CCDC174: variants seen among roughly 807,000 people sequenced by gnomAD.
CCDC174 encodes the protein coiled-coil domain containing 174.
In CCDC174, 37 loss-of-function variants were observed where a neutral mutation model predicts 57.1. That is an observed-to-expected ratio of 0.65 (90% CI 0.50 to 0.85). CCDC174 has a LOEUF of 0.85. Ranked by LOEUF, CCDC174 falls within the 40% of genes least tolerant of loss-of-function variation. The pLI is 0.00. For missense variants in CCDC174, 540 were observed against 574.3 expected (o/e 0.94, Z 0.61); for synonymous variants, 182 against 190.2 (o/e 0.96, Z 0.35).
At chr3:14,666,413 A>C (rs1054794192) in intron 6 of CCDC174, among the ~76,000 whole-genome samples, 1 of 152,178 alleles carries the variant, frequency 6.6e-6, no homozygotes. Context: ...TCCTGAGATC[A>C]GGAGTTCAAA....
At position 14,669,957 on chromosome 3, in the gene CCDC174, C is replaced by G. The variant is rs2031459759; in HGVS notation, c.976C>G (p.Pro326Ala). 1 of 1,613,790 alleles carries G rather than the reference C, an allele frequency of 6.2e-7. No individual in the cohort carries two copies. Among genetic ancestry groups the G allele is most frequent in the Non-Finnish European group, 8.5e-7 (1 of 1,179,860 alleles). Residue 326 changes from proline to alanine, a missense_variant, in exon 10 of 11, where the codon CCA becomes GCA. Coordinates refer to ENST00000383794, the MANE Select transcript of CCDC174 (RefSeq NM_016474.5). The part of the protein sequence containing the change: ...NRDGDVIGPL[P>A]PEPEAVPTPR... Reference sequence around the variant, plus strand: ...AGATGGAGATGTTATTGGGCCTTTGCCACCGGAGCCAGAGGCTGTGCCAAC... The same window carrying G: ...AGATGGAGATGTTATTGGGCCTTTGGCACCGGAGCCAGAGGCTGTGCCAAC...
In CCDC174 at chr3:14,669,835, C is replaced by T. The variant is rs2031456023; in HGVS notation, c.953-99C>T. The stretch of plus-strand genomic sequence containing the variant: ...GGACATGTTAGGTACTTCATAAATA[C>T]TGATGGTTACTTTTACTTTCAGGAT... On this transcript the variant is annotated intron_variant, in intron 9 of 10. Coordinates refer to ENST00000383794, the MANE Select transcript of CCDC174 (RefSeq NM_016474.5). 4.1e-6 allele frequency: 5 copies of T among 1,225,178 alleles called. No individual in the cohort carries two copies. In the Admixed American group the frequency reaches 1.1e-4, roughly 26 times the overall value. 75.9% of individuals were successfully genotyped at this position (1,225,178 alleles called of 1,614,324 possible).
Position 14,669,672 on chromosome 3 carries a change from A to G in CCDC174, c.953-262A>G, listed in dbSNP as rs1055098101. Among the ~76,000 whole-genome samples the G allele has an allele frequency of 1.2e-4, 18 of 152,290 alleles. No homozygotes were observed. In the East Asian group the frequency reaches 3.3e-3, roughly 28 times the overall value. Reference sequence around the variant, plus strand: ...CCAGCCCAGGACTCCAGCCCGTATCACTTTCTACCTGTGTACCATTTCTGA... The same window carrying G: ...CCAGCCCAGGACTCCAGCCCGTATCGCTTTCTACCTGTGTACCATTTCTGA... On this transcript the variant is annotated intron_variant, in intron 9 of 10. Coordinates refer to ENST00000383794, the MANE Select transcript of CCDC174 (RefSeq NM_016474.5).
chr3:14,666,883 A>G lies in CCDC174; in HGVS notation c.660A>G (p.Glu220=). The change falls in exon 7 of 11, where the codon GAA becomes GAG. Residue 220 remains glutamate, a synonymous_variant. Transcript: ENST00000383794. The part of the protein sequence containing the change: ...RKELQRQQWE[E]EEREALKRPM... ...AACTTCAGCGCCAGCAATGGGAGGA[A>G]GAAGAAAGAGAGGCCCTGAAGAGGC... The G allele has an allele frequency of 6.2e-7, 1 of 1,607,500 alleles. No homozygotes were observed.
chr3:14,671,174 T>C lies in CCDC174; in HGVS notation c.1384T>C (p.Tyr462His). Residue 462 changes from tyrosine (Y) to histidine (H), a missense_variant, in exon 11 of 11, where the codon TAT (tyrosine) becomes CAT (histidine). By Grantham distance (83) the Tyr-to-His change is moderately conservative. Coordinates refer to ENST00000383794, the MANE Select transcript of CCDC174 (RefSeq NM_016474.5). ...CAAAACTCTGGATGACATGATTTCC[T>C]ATTACAAACAAGTGACATGATCTTT... Reference protein sequence around the residue: ...TFKTLDDMISYYKQVT With the variant: ...TFKTLDDMISHYKQVT 1 of 1,610,286 alleles carries C rather than the reference T, an allele frequency of 6.2e-7. No individual in the cohort carries two copies. The highest frequency in any genetic ancestry group is 8.5e-7 in the Non-Finnish European group (1 of 1,177,104).
Position 14,655,637 on chromosome 3 carries a change from T to G in CCDC174, c.248+8T>G, listed in dbSNP as rs374806057. 6.4e-6 allele frequency: 10 copies of G among 1,565,338 alleles called. No individual in the cohort carries two copies. Among genetic ancestry groups the G allele is most frequent in the Non-Finnish European group, 7.9e-6 (9 of 1,142,040 alleles). ...GACTTTAGACAAAGCAAGGTAAAGTTATAAGCTCTGGTAAATATAGTTAGC... is the reference window on the plus strand; with the variant it reads ...GACTTTAGACAAAGCAAGGTAAAGTGATAAGCTCTGGTAAATATAGTTAGC... On this transcript the variant is annotated splice_region_variant and intron_variant, in intron 3 of 10. Transcript: ENST00000383794.
At chr3:14,659,755 A>G (rs1428387599) in intron 4 of CCDC174, among the ~76,000 whole-genome samples, 1 of 152,196 alleles carries the variant, frequency 6.6e-6, no homozygotes, top group Non-Finnish European at 1.5e-5. Context: ...AACCCAATCC[A>G]TAATTAGACA....
chr3:14,669,840 G>T, intron 9 of CCDC174, 94 bp from the exon 10 acceptor site: 3 of 1,275,920 alleles, frequency 2.4e-6, no homozygotes, highest in Non-Finnish European at 1.1e-6. Flanking sequence ...AAATACTGAT[G>T]GTTACTTTTA....
chr3:14,655,478 AT>A, intron 2 of CCDC174, 50 bp from the exon 3 acceptor site: 3 of 1,175,402 alleles, frequency 2.6e-6, no homozygotes, highest in South Asian at 1.3e-5. Flanking sequence ...ACAAGTAGAG[AT>A]TTTTTGGCAA....
At chr3:14,657,539 C>T (rs559503129) in intron 3 of CCDC174, among the ~76,000 whole-genome samples, 1 of 152,354 alleles carries the variant, frequency 6.6e-6, no homozygotes, top group Admixed American at 6.5e-5. Flanking sequence ...GGCCGTTTCC[C>T]TGACACCTTC....
At chr3:14,667,385 G>A in intron 7 of CCDC174, 39 bp from the exon 8 acceptor site, 5 of 1,482,234 alleles carry the variant, frequency 3.4e-6, no homozygotes, top group Non-Finnish European at 4.7e-6. Context: ...TGAATGATCA[G>A]GACAGTCTGA....
intron 3 of CCDC174, 92 bp downstream of exon 3, chr3:14,655,721 A>G (rs2030937603): frequency 4.0e-6 from 3 of 745,032 alleles, no homozygotes; most frequent in East Asian, 5.6e-5. Flanking sequence ...TGATTTACAA[A>G]TTTTATTTTT....
chr3:14,652,216 G>A lies in CCDC174; in HGVS notation c.42+338G>A, dbSNP rs6783578. 3.3e-3 allele frequency among the ~76,000 whole-genome samples: 506 copies of A among 152,260 alleles called. 1 individual carries two copies. The highest frequency in any genetic ancestry group is 0.012 in the African/African-American group (478 of 41,540). On this transcript the variant is annotated intron_variant, in intron 1 of 10. Transcript: ENST00000383794. Reference sequence around the variant, plus strand: ...CGTCAGCCTTCTCCCTTACAGTCAGGAGGAACCCTAGCTTCTTTTTGCTAT... The same window carrying A: ...CGTCAGCCTTCTCCCTTACAGTCAGAAGGAACCCTAGCTTCTTTTTGCTAT...
At chr3:14,663,041 T>C (rs13081116) in intron 5 of CCDC174, among the ~76,000 whole-genome samples, 1,667 of 152,284 alleles carry the variant, frequency 0.011, 10 homozygotes, top group South Asian at 0.025. Flanking sequence ...TCATCATTTC[T>C]TTCTTTCTTT....
At chr3:14,670,348 T>C (rs759830589) in intron 10 of CCDC174, among the ~76,000 whole-genome samples, 5 of 152,244 alleles carry the variant, frequency 3.3e-5, no homozygotes, top group Admixed American at 3.3e-4. Flanking sequence ...CATGGTTCCA[T>C]TGGGGAATTT....
chr3:14,666,896 G>A lies in CCDC174; in HGVS notation c.673G>A (p.Ala225Thr), dbSNP rs2031361952. The A allele has an allele frequency of 6.2e-7, 1 of 1,606,560 alleles. No individual in the cohort carries two copies. ...RQQWEEEERE[A>T]LKRPMGPVHY... ...GCAATGGGAGGAAGAAGAAAGAGAG[G>A]CCCTGAAGAGGCCCATGGGGCCCGT... Residue 225 changes from alanine (A) to threonine (T), a missense_variant, in exon 7 of 11, where the codon GCC (alanine) becomes ACC (threonine). Transcript: ENST00000383794.
intron 3 of CCDC174, among the ~76,000 whole-genome samples, chr3:14,658,032 T>C (rs1464207210): frequency 1.3e-5 from 2 of 152,268 alleles, no homozygotes; most frequent in Admixed American, 6.5e-5. Flanking sequence ...AAGCCTGATA[T>C]GAGTGAGCCG....
chr3:14,661,645 C>T lies in CCDC174; in HGVS notation c.423C>T (p.Asp141=), dbSNP rs139960882. The stretch of plus-strand genomic sequence containing the variant: ...ATTCTCAAAAGGCAGGAGAAAGGGA[C>T]GACGATGAGGAAAACCTTCCTGAGG... ...HRDSQKAGER[D]DDEENLPEGE... is the part of the protein sequence containing the mutation. The change falls in exon 5 of 11, where the codon GAC becomes GAT. Residue 141 remains aspartate (D), a synonymous_variant. Transcript: ENST00000383794. 129 of 1,614,022 alleles carry T rather than the reference C, an allele frequency of 8.0e-5. No homozygotes were observed. The Middle Eastern group carries it at 1.5e-3, about 19-fold the overall frequency.
rs771935363 is a variant in CCDC174, at chr3:14,668,043, G to A, written c.820-6G>A. On this transcript the variant is annotated splice_polypyrimidine_tract_variant and splice_region_variant and intron_variant, in intron 8 of 10. Coordinates refer to ENST00000383794, the MANE Select transcript of CCDC174 (RefSeq NM_016474.5). ...CAAGCAAATAATTTTCTGATTTTCTGTTCAGACAACAGATCAGAGAACAAA... is the reference window on the plus strand; with the variant it reads ...CAAGCAAATAATTTTCTGATTTTCTATTCAGACAACAGATCAGAGAACAAA... The A allele has an allele frequency of 6.4e-7, 1 of 1,562,506 alleles. No homozygotes were observed. Among genetic ancestry groups the A allele is most frequent in the Non-Finnish European group, 8.6e-7 (1 of 1,158,804 alleles).
Sources: gnomAD v4.1 joint callset for allele counts (sites outside exome capture counted in the v4.1 genomes callset) on GRCh38, gnomAD v4.1.1 for gene constraint, MANE v1.5 for transcripts, NCBI Gene and HGNC (gene_info 2026-07-23, HGNC 2026-07-21) for gene names.